The following DOCK10 variants were observed in gnomAD, a reference collection of about 807,000 sequenced individuals.
The protein encoded by DOCK10 is dedicator of cytokinesis protein 10.
A neutral mutation model predicts 280.1 loss-of-function variants in DOCK10; 145 were observed. The ratio of observed to expected loss-of-function variants is 0.52; its 90% CI spans 0.45 to 0.59. DOCK10 has a LOEUF of 0.59. DOCK10 is among the 20% of genes least tolerant of loss of function. The pLI is 0.00. For synonymous variants in DOCK10, 915 were observed against 942.2 expected (o/e 0.97, Z 0.53); for missense variants, 2,368 against 2,651.7 (o/e 0.89, Z 2.35).
chr2:225,029,923 C>A (rs1446520172), intron 1 of DOCK10, among the ~76,000 whole-genome samples: 1 of 151,900 alleles, frequency 6.6e-6, no homozygotes, highest in African/African-American at 2.4e-5. Flanking sequence ...GCGGGTGGAT[C>A]ACTTGAGGTC....
chr2:225,002,404 C>T (rs1206392817), intron 1 of DOCK10, among the ~76,000 whole-genome samples: 1 of 152,178 alleles, frequency 6.6e-6, no homozygotes, highest in Non-Finnish European at 1.5e-5. Flanking sequence ...AAAGCAGGCA[C>T]AGACCAAGAA....
chr2:225,027,465 C>A (rs901132215), intron 1 of DOCK10, among the ~76,000 whole-genome samples: 1 of 152,122 alleles, frequency 6.6e-6, no homozygotes, highest in African/African-American at 2.4e-5. Context: ...CAAATTGTAA[C>A]CCCCAGTGTT....
chr2:224,844,587 T>C (rs1696203523), intron 22 of DOCK10, among the ~76,000 whole-genome samples, 166 bp downstream of exon 22: 6 of 152,216 alleles, frequency 3.9e-5, no homozygotes, highest in Admixed American at 3.3e-4. Flanking sequence ...CTATCTGTCT[T>C]GAGGGAGGCA....
intron 7 of DOCK10, among the ~76,000 whole-genome samples, chr2:224,881,125 T>C (rs1251167471): frequency 6.6e-6 from 1 of 152,194 alleles, no homozygotes; most frequent in African/African-American, 2.4e-5. Context: ...TATACACATA[T>C]ATGTATATAA....
intron 1 of DOCK10, among the ~76,000 whole-genome samples, chr2:225,033,832 C>T (rs1208012784): frequency 1.3e-5 from 2 of 152,116 alleles, no homozygotes; most frequent in South Asian, 2.1e-4. Context: ...GCAACCCAAC[C>T]ACGCCCCCCA....
At chr2:224,857,148 A>T (rs1438154834) in intron 14 of DOCK10, among the ~76,000 whole-genome samples, 166 bp from the exon 15 acceptor site, 1 of 152,218 alleles carries the variant, frequency 6.6e-6, no homozygotes, top group Non-Finnish European at 1.5e-5. Flanking sequence ...TATACAGTTT[A>T]TTTTTGTTAT....
At chr2:224,917,846 T>C (rs1446101624) in intron 2 of DOCK10, among the ~76,000 whole-genome samples, 1 of 152,206 alleles carries the variant, frequency 6.6e-6, no homozygotes, top group African/African-American at 2.4e-5. Flanking sequence ...AGCCATCTGC[T>C]TCCTTTAGTC....
rs146533551 is a variant in DOCK10, at chr2:225,028,765, C to A, written c.123+13487G>T. On this transcript the variant is annotated intron_variant, in intron 1 of 55. Transcript: ENST00000258390. The stretch of plus-strand genomic sequence containing the variant: ...CCCAGGGGCACAAGTGGGCCTTTCC[C>A]TGTGCTCATGAACTAGAGGAACACA... Among the ~76,000 whole-genome samples, 682 of 152,278 alleles carry A rather than the reference C, an allele frequency of 4.5e-3. 12 individuals carry two copies. The highest frequency in any genetic ancestry group is 0.015 in the African/African-American group (640 of 41,540).
intron 53 of DOCK10, among the ~76,000 whole-genome samples, chr2:224,771,822 T>C (rs951165000): frequency 2.1e-5 from 2 of 96,886 alleles, no homozygotes; most frequent in Middle Eastern, 5.8e-3. Context: ...TCTTGCTTTC[T>C]GGCCTTCTCA....
chr2:224,839,254 A>C (rs1276207137), intron 24 of DOCK10, among the ~76,000 whole-genome samples: 2 of 134,986 alleles, frequency 1.5e-5, no homozygotes, highest in East Asian at 3.9e-4. Flanking sequence ...AATTTTTTGT[A>C]ATTTTTTTTT....
intron 27 of DOCK10, among the ~76,000 whole-genome samples, chr2:224,829,472 C>A (rs1490559501): frequency 6.6e-6 from 1 of 152,184 alleles, no homozygotes; most frequent in Non-Finnish European, 1.5e-5. Flanking sequence ...ACACCACCAA[C>A]CCCACCTCAT....
intron 17 of DOCK10, 111 bp from the exon 18 acceptor site, chr2:224,852,553 C>A: frequency 1.3e-6 from 1 of 787,190 alleles, no homozygotes; most frequent in Non-Finnish European, 2.1e-6. Flanking sequence ...TGTAAAATAC[C>A]CAACATTTTC....
At chr2:224,780,423 C>T (rs1013469830) in intron 50 of DOCK10, among the ~76,000 whole-genome samples, 2 of 152,158 alleles carry the variant, frequency 1.3e-5, no homozygotes, top group Non-Finnish European at 2.9e-5. Context: ...GGGGCTAAAG[C>T]TGAAGCAACA....
intron 1 of DOCK10, among the ~76,000 whole-genome samples, chr2:225,033,296 C>T (rs6753789): frequency 0.054 from 8,214 of 152,116 alleles, 732 homozygotes; most frequent in African/African-American, 0.19. Context: ...AATTCTCCTG[C>T]CTCAGCCTCC....
intron 1 of DOCK10, among the ~76,000 whole-genome samples, chr2:224,957,296 G>C (rs190668333): frequency 0.021 from 1,266 of 59,122 alleles, 25 homozygotes; most frequent in Admixed American, 0.037. Context: ...CCCCCCCCCG[G>C]CTTTGTTTTT....
chr2:224,958,285 T>A (rs991830468), intron 1 of DOCK10, among the ~76,000 whole-genome samples: 1 of 152,190 alleles, frequency 6.6e-6, no homozygotes, highest in Non-Finnish European at 1.5e-5. Flanking sequence ...GAGTGCAGGA[T>A]GATCCTAGCT....
chr2:224,769,187 C>G (rs1244501413), intron 55 of DOCK10, among the ~76,000 whole-genome samples: 1 of 152,220 alleles, frequency 6.6e-6, no homozygotes, highest in African/African-American at 2.4e-5. Context: ...GGAATCCTAT[C>G]TACGGCAATT....
At chr2:224,980,043 C>T (rs1705666516) in intron 1 of DOCK10, among the ~76,000 whole-genome samples, 1 of 151,914 alleles carries the variant, frequency 6.6e-6, no homozygotes, top group African/African-American at 2.4e-5. Flanking sequence ...TCAAAGTTTG[C>T]TCAGAAGTTT....
At chr2:224,952,889 GC>G (rs1233479195) in intron 1 of DOCK10, among the ~76,000 whole-genome samples, 42 of 152,198 alleles carry the variant, frequency 2.8e-4, no homozygotes, top group Non-Finnish European at 5.9e-5. Flanking sequence ...ACCGCGCCCG[GC>G]CTATGTTATG....
Sources: allele counts gnomAD v4.1 joint callset (sites outside exome capture counted in the v4.1 genomes callset), GRCh38; gene constraint gnomAD v4.1.1; transcripts MANE v1.5; gene names NCBI Gene and HGNC (gene_info 2026-07-23, HGNC 2026-07-21).